The following OPHN1 variants were observed in gnomAD, a reference collection of about 807,000 sequenced individuals.
The protein encoded by OPHN1 is oligophrenin-1.
OPHN1 carries 11 observed loss-of-function variants against 60.7 expected under a neutral mutation model. That is an observed-to-expected ratio of 0.18 (90% CI 0.11 to 0.30). The LOEUF (loss-of-function observed/expected upper bound fraction) is 0.30, where lower values mean the gene tolerates loss of function less well. OPHN1 is among the 10% of genes least tolerant of loss of function. OPHN1 has a pLI of 1.00. For missense variants in OPHN1, 449 were observed against 611.0 expected, an observed-to-expected ratio of 0.73 and a Z score of 2.80; for synonymous variants, 226 against 222.6, an observed-to-expected ratio of 1.02 and a Z score of -0.14.
At chrX:68,189,634 TC>T (rs1264769684) in intron 15 of OPHN1, among the ~76,000 whole-genome samples, 1 of 110,603 alleles carries the variant, frequency 9.0e-6, no homozygotes, top group Admixed American at 9.7e-5. Context: ...TTACAATGGA[TC>T]CAGCACCAGT....
intron 15 of OPHN1, among the ~76,000 whole-genome samples, chrX:68,122,120 C>T (rs966778710): frequency 3.6e-5 from 4 of 111,219 alleles, no homozygotes; most frequent in Non-Finnish European, 7.5e-5. Context: ...GAGACTCCTT[C>T]TGCTTCAGAA....
intron 2 of OPHN1, among the ~76,000 whole-genome samples, chrX:68,373,417 T>G (rs1019306167): frequency 4.5e-5 from 5 of 112,006 alleles, no homozygotes; most frequent in African/African-American, 1.6e-4. Flanking sequence ...ATTTAATCCA[T>G]CACATATGAC....
intron 3 of OPHN1, among the ~76,000 whole-genome samples, chrX:68,296,101 C>T (rs1199560426): frequency 9.0e-6 from 1 of 111,271 alleles, no homozygotes; most frequent in African/African-American, 3.3e-5. Context: ...TCGAAGCCTC[C>T]AGAGAGCCTC....
intron 4 of OPHN1, among the ~76,000 whole-genome samples, chrX:68,276,725 C>G (rs923718213): frequency 9.0e-6 from 1 of 111,001 alleles, no homozygotes; most frequent in African/African-American, 3.3e-5. Flanking sequence ...AAATAGAGTA[C>G]TCCAGAAGTA....
At chrX:68,416,065 TATAGAGAGAGAGAGAGAGAG>T (rs1205704961) in intron 2 of OPHN1, among the ~76,000 whole-genome samples, 3 of 5,200 alleles carry the variant, frequency 5.8e-4, no homozygotes, top group African/African-American at 7.3e-4. Context: ...TATATATATA[TATAGAGAGAGAGAGAGAGAG>T]AGAGAGAGAG....
At chrX:68,396,659 A>G (rs1292994879) in intron 2 of OPHN1, among the ~76,000 whole-genome samples, 1 of 109,121 alleles carries the variant, frequency 9.2e-6, no homozygotes, top group African/African-American at 3.3e-5. Flanking sequence ...TCCTAAAAAT[A>G]CAAAAATTAG....
chrX:68,170,908 T>G (rs1293127571), intron 15 of OPHN1, among the ~76,000 whole-genome samples: 2 of 109,053 alleles, frequency 1.8e-5, no homozygotes, highest in Non-Finnish European at 3.8e-5. Context: ...ATTGTGCACA[T>G]GTACCCTAAA....
Position 68,097,015 on chromosome X carries a change from C to T in OPHN1, c.1541G>A (p.Ser514Asn). The change falls in exon 19 of 25, where the codon AGC becomes AAC. Residue 514 changes from serine to asparagine, a missense_variant. Physicochemically the swap from Ser to Asn is conservative, Grantham distance 46. Transcript: ENST00000355520. ...GGAGGGGGTCATAAGATTCTCTTTG[C>T]TGTGCTCACACACACTGCCAGAAGA... is the stretch of plus-strand genomic sequence containing the variant. ...IRHLVNVCEH[S>N]KENLMTPSNM... 8.3e-7 allele frequency: 1 copy of T among 1,208,289 alleles called. No homozygotes were observed. Among genetic ancestry groups the T allele is most frequent in the South Asian group, 1.8e-5 (1 of 56,441 alleles).
chrX:68,321,135 C>G (rs1434714010), intron 2 of OPHN1, among the ~76,000 whole-genome samples: 1 of 111,329 alleles, frequency 9.0e-6, no homozygotes, highest in Non-Finnish European at 1.9e-5. Flanking sequence ...ACCTTCAGCC[C>G]CTCTTCCCTC....
chrX:68,234,195 G>A lies in OPHN1; in HGVS notation c.486+292C>T, dbSNP rs190526150. 1.7e-3 allele frequency among the ~76,000 whole-genome samples: 190 copies of A among 108,997 alleles called. 2 individuals carry two copies. The highest frequency in any genetic ancestry group is 6.0e-3 in the African/African-American group (179 of 29,887). 94.7% of individuals were successfully genotyped at this position (108,997 alleles called of 115,157 possible). A position where few individuals can be genotyped will look rare whatever the true frequency, so the allele number is the denominator to read the frequency against. ...ACAACACTAGTTTAACTTTATCCTC[G>A]CATGGATTTTGGACTTGCAATTGAA... is the stretch of plus-strand genomic sequence containing the variant. On this transcript the variant is annotated intron_variant, in intron 6 of 24. Transcript: ENST00000355520.
chrX:68,230,674 A>G (rs2077723760), intron 6 of OPHN1, among the ~76,000 whole-genome samples: 2 of 105,778 alleles, frequency 1.9e-5, no homozygotes, highest in Admixed American at 1.1e-4. Flanking sequence ...ACAGAAAACC[A>G]AATACTACAT....
chrX:68,364,214 A>G (rs1357975235), intron 2 of OPHN1, among the ~76,000 whole-genome samples: 1 of 111,945 alleles, frequency 8.9e-6, no homozygotes, highest in Non-Finnish European at 1.9e-5. Flanking sequence ...AGTGCTTTTC[A>G]TAACTTCCTG....
intron 2 of OPHN1, among the ~76,000 whole-genome samples, chrX:68,366,609 C>T (rs1332613899): frequency 9.0e-6 from 1 of 111,401 alleles, no homozygotes; most frequent in Non-Finnish European, 1.9e-5. Context: ...CTACTTTGGC[C>T]TCTCAAAGTG....
At chrX:68,347,606 C>T (rs1405009421) in intron 2 of OPHN1, among the ~76,000 whole-genome samples, 1 of 111,692 alleles carries the variant, frequency 9.0e-6, no homozygotes, top group Non-Finnish European at 1.9e-5. Flanking sequence ...GCATGAGCCA[C>T]TGTGCCAAGC....
In OPHN1 at chrX:68,403,957, A is replaced by G. The variant is rs141752559; in HGVS notation, c.154+28910T>C. Among the ~76,000 whole-genome samples the G allele has an allele frequency of 4.2e-3, 458 of 108,743 alleles. 3 individuals carry two copies. The highest frequency in any genetic ancestry group is 0.015 in the African/African-American group (442 of 29,878). 94.4% of individuals were successfully genotyped at this position (108,743 alleles called of 115,157 possible). ...AAGCAGAAGAGTAAGATAAGAGGAAATGAGATGCTGAATGCAGAGCCAGGA... is the reference window on the plus strand; with the variant it reads ...AAGCAGAAGAGTAAGATAAGAGGAAGTGAGATGCTGAATGCAGAGCCAGGA... On this transcript the variant is annotated intron_variant, in intron 2 of 24. Coordinates refer to ENST00000355520, the MANE Select transcript of OPHN1 (RefSeq NM_002547.3).
chrX:68,180,172 T>C (rs1470097141), intron 15 of OPHN1, among the ~76,000 whole-genome samples: 1 of 111,638 alleles, frequency 9.0e-6, no homozygotes, highest in Non-Finnish European at 1.9e-5. Flanking sequence ...CCAAGTATCA[T>C]GGATAATTCT....
chrX:68,052,158 C>T (rs778620011), intron 23 of OPHN1, among the ~76,000 whole-genome samples: 32 of 111,117 alleles, frequency 2.9e-4, no homozygotes, highest in Non-Finnish European at 5.1e-4. Flanking sequence ...GGCATGATGG[C>T]GTGCACCTGT....
chrX:68,413,304 C>T (rs973250851), intron 2 of OPHN1, among the ~76,000 whole-genome samples: 7 of 111,612 alleles, frequency 6.3e-5, no homozygotes, highest in African/African-American at 2.3e-4. Context: ...CATTAATGTA[C>T]ATTAGCCCTG....
intron 2 of OPHN1, among the ~76,000 whole-genome samples, chrX:68,378,258 A>G (rs1386086912): frequency 9.0e-6 from 1 of 111,553 alleles, no homozygotes; most frequent in Admixed American, 9.5e-5. Flanking sequence ...CATATCCTTC[A>G]CCCACTTTTC....
Sources: allele counts gnomAD v4.1 joint callset (sites outside exome capture counted in the v4.1 genomes callset), GRCh38; gene constraint gnomAD v4.1.1; transcripts MANE v1.5; gene names NCBI Gene and HGNC (gene_info 2026-07-23, HGNC 2026-07-21).